FXR1: variants seen among roughly 807,000 people sequenced by gnomAD.
FXR1 encodes RNA-binding protein FXR1.
In FXR1, 15 loss-of-function variants were observed where a neutral mutation model predicts 84.0. The ratio of observed to expected loss-of-function variants is 0.18; its 90% CI spans 0.12 to 0.27. The LOEUF is 0.27. Among genes scored for constraint, FXR1 ranks in the 10% least tolerant of loss-of-function variants. The pLI is 1.00. For synonymous variants in FXR1, 245 were observed against 250.7 expected (o/e 0.98, Z 0.21); for missense variants, 480 against 774.4 (o/e 0.62, Z 4.51).
At chr3:180,949,368 G>A in intron 7 of FXR1, 25 bp downstream of exon 7, 1 of 1,032,402 alleles carries the variant, frequency 9.7e-7, no homozygotes, top group Non-Finnish European at 1.5e-6. Context: ...TTACAAAAGA[G>A]TTTTCTGTGT....
chr3:180,981,575 TCA>T lies in FXR1; in HGVS notation c.*5286_*5287del, dbSNP rs1213228963. 1 of 152,082 alleles carries T rather than the reference TCA, an allele frequency of 6.6e-6. No individual in the cohort carries two copies. Among genetic ancestry groups the T allele is most frequent in the Non-Finnish European group, 1.5e-5 (1 of 67,986 alleles). The allele number at this position is 152,082 out of a possible 1,614,324, so 9.4% of individuals were successfully genotyped here. ...AAGGCAAGGGAAGAGGCTAAGTGACTCACAAAAATCTCTGATATTGAGGTCTA... is the reference window on the plus strand; with the variant it reads ...AAGGCAAGGGAAGAGGCTAAGTGACTCAAAAATCTCTGATATTGAGGTCTA... On this transcript the variant is annotated 3_prime_UTR_variant, in exon 17 of 17. Transcript: ENST00000357559.
intron 1 of FXR1, among the ~76,000 whole-genome samples, chr3:180,916,998 C>G (rs1466181033): frequency 6.6e-6 from 1 of 152,042 alleles, no homozygotes; most frequent in African/African-American, 2.4e-5. Context: ...CCACGCCCAG[C>G]TAATTTTTTG....
chr3:180,966,905 C>T (rs532137557), intron 13 of FXR1, among the ~76,000 whole-genome samples: 80 of 152,254 alleles, frequency 5.3e-4, no homozygotes, highest in African/African-American at 1.9e-3. Flanking sequence ...TCATATGTAT[C>T]TGACATTTGA....
chr3:180,951,099 T>C (rs1722193569), intron 7 of FXR1, among the ~76,000 whole-genome samples, 199 bp from the exon 8 acceptor site: 1 of 151,858 alleles, frequency 6.6e-6, no homozygotes, highest in African/African-American at 2.4e-5. Context: ...GGTGCGTGCC[T>C]GTATTTCCAA....
chr3:180,959,210 C>T (rs1487091818), intron 10 of FXR1, among the ~76,000 whole-genome samples: 3 of 152,158 alleles, frequency 2.0e-5, no homozygotes, highest in Admixed American at 6.5e-5. Context: ...GCTGTTAATT[C>T]GTTAATTCTG....
chr3:180,918,623 A>G (rs1194022277), intron 1 of FXR1, among the ~76,000 whole-genome samples: 2 of 152,122 alleles, frequency 1.3e-5, no homozygotes, highest in Non-Finnish European at 2.9e-5. Context: ...TTGACCCCTA[A>G]TTCTTGTAAT....
At chr3:180,929,256 A>G (rs1270760949) in intron 1 of FXR1, among the ~76,000 whole-genome samples, 1 of 152,060 alleles carries the variant, frequency 6.6e-6, no homozygotes, top group Non-Finnish European at 1.5e-5. Context: ...TTGTTTTGTC[A>G]GAGTTATGTG....
chr3:180,957,669 C>G (rs1711526901), intron 9 of FXR1, 150 bp from the exon 10 acceptor site: 1 of 531,998 alleles, frequency 1.9e-6, no homozygotes. Context: ...TCTTGGTAGT[C>G]TGTAGGGCGA....
chr3:180,947,983 C>T (rs1721869924), intron 4 of FXR1, 47 bp downstream of exon 4: 3 of 1,056,354 alleles, frequency 2.8e-6, no homozygotes, highest in Middle Eastern at 4.1e-4. Context: ...TAAGGAAGTA[C>T]CTCAGTGCTT....
chr3:180,944,331 T>C (rs1040642769), intron 3 of FXR1, among the ~76,000 whole-genome samples: 9 of 152,088 alleles, frequency 5.9e-5, no homozygotes, highest in Non-Finnish European at 1.2e-4. Flanking sequence ...TGGACCTTTT[T>C]TTTTTTTGAG....
intron 3 of FXR1, among the ~76,000 whole-genome samples, chr3:180,941,669 A>G (rs560984291): frequency 2.0e-4 from 31 of 152,160 alleles, no homozygotes; most frequent in Non-Finnish European, 4.1e-4. Context: ...TCGCACATAA[A>G]GGAGAGACGA....
rs1717860048 is a variant in FXR1 at position 180,916,105 on chromosome 3, C to T, written c.51+3369C>T. On this transcript the variant is annotated intron_variant, in intron 1 of 16. Coordinates refer to ENST00000357559, the MANE Select transcript of FXR1 (RefSeq NM_005087.4). Reference sequence around the variant, plus strand: ...TTTGTACTTCTCATACCTAAAGTAGCATCTTAGGTTTTATACTACTGGACA... The same window carrying T: ...TTTGTACTTCTCATACCTAAAGTAGTATCTTAGGTTTTATACTACTGGACA... Among the ~76,000 whole-genome samples, 3 of 152,122 alleles carry T rather than the reference C, an allele frequency of 2.0e-5. No homozygotes were observed. The South Asian group carries it at 6.2e-4, about 32-fold the overall frequency.
intron 14 of FXR1, 41 bp downstream of exon 14, chr3:180,968,295 A>G: frequency 7.3e-7 from 1 of 1,375,716 alleles, no homozygotes; most frequent in Non-Finnish European, 1.0e-6. Flanking sequence ...TTATTTGTAA[A>G]CAGTTTAATT....
At chr3:180,915,603 G>GT (rs756396894) in intron 1 of FXR1, 286 of 846,176 alleles carry the variant, frequency 3.4e-4, no homozygotes, top group South Asian at 7.8e-4. Flanking sequence ...TATTTCTTTG[G>GT]TTTTTTTTGG....
chr3:180,952,090 G>A (rs954785999), intron 8 of FXR1, among the ~76,000 whole-genome samples: 3 of 152,028 alleles, frequency 2.0e-5, no homozygotes, highest in Admixed American at 1.3e-4. Context: ...TTTTATATAT[G>A]TAAATTGAGA....
rs1433853769 is a variant in FXR1, at chr3:180,919,270, TA to T, written c.51+6535del. 7.6e-3 allele frequency among the ~76,000 whole-genome samples: 1,126 copies of T among 148,518 alleles called. 18 individuals are homozygous for T. Among genetic ancestry groups the T allele is most frequent in the African/African-American group, 0.027 (1,070 of 39,320 alleles). On this transcript the variant is annotated intron_variant, in intron 1 of 16. Transcript: ENST00000357559. The stretch of plus-strand genomic sequence containing the variant: ...AAAAAAATGTGAAACACCTAAATTT[TA>T]TTTTTTTTTTATTTTTGTTTTTTTT...
chr3:180,918,446 G>A (rs1718164389), intron 1 of FXR1, among the ~76,000 whole-genome samples: 1 of 151,940 alleles, frequency 6.6e-6, no homozygotes, highest in Admixed American at 6.6e-5. Context: ...CCAGCATTAG[G>A]GATTTTTCAA....
chr3:180,915,727 A>G (rs1212883744), intron 1 of FXR1: 4 of 692,462 alleles, frequency 5.8e-6, no homozygotes, highest in African/African-American at 5.3e-5. Flanking sequence ...ATGAGTTTCA[A>G]AGTCAGTTAT....
intron 10 of FXR1, among the ~76,000 whole-genome samples, chr3:180,958,490 T>C (rs538763611): frequency 1.2e-4 from 18 of 152,332 alleles, no homozygotes; most frequent in Admixed American, 1.0e-3. Context: ...ACATATGATA[T>C]TTGGTTTTCC....
Sources: gnomAD v4.1 joint callset for allele counts (sites outside exome capture counted in the v4.1 genomes callset) on GRCh38, gnomAD v4.1.1 for gene constraint, MANE v1.5 for transcripts, NCBI Gene and HGNC (gene_info 2026-07-23, HGNC 2026-07-21) for gene names.